SYNJ1: variants seen among roughly 807,000 people sequenced by gnomAD.
SYNJ1 encodes synaptojanin 1.
SYNJ1 carries 78 observed loss-of-function variants against 168.2 expected under a neutral mutation model. The observed-to-expected ratio is 0.46, with a 90% CI of 0.39 to 0.56. The LOEUF (loss-of-function observed/expected upper bound fraction) is 0.56, where lower values mean the gene tolerates loss of function less well. Among genes scored for constraint, SYNJ1 ranks in the 20% least tolerant of loss-of-function variants. The pLI, the probability that SYNJ1 is intolerant of heterozygous loss-of-function variation, is 0.00. For missense variants in SYNJ1, 1,303 were observed against 1,597.6 expected, an observed-to-expected ratio of 0.82 and a Z score of 3.14; for synonymous variants, 539 against 548.6, an observed-to-expected ratio of 0.98 and a Z score of 0.24.
chr21:32,693,483 G>A (rs571822276), intron 6 of SYNJ1, among the ~76,000 whole-genome samples: 15 of 152,248 alleles, frequency 9.9e-5, no homozygotes, highest in Admixed American at 4.6e-4. Flanking sequence ...AGTCTAAGAT[G>A]TAAGAGATCC....
intron 2 of SYNJ1, among the ~76,000 whole-genome samples, chr21:32,726,115 C>T (rs757287513): frequency 5.9e-5 from 9 of 152,252 alleles, no homozygotes; most frequent in Non-Finnish European, 1.3e-4. Flanking sequence ...GCTGGGACTA[C>T]AGGCGTGAGC....
At chr21:32,645,491 C>T (rs2040021022) in intron 25 of SYNJ1, among the ~76,000 whole-genome samples, 155 bp downstream of exon 25, 2 of 152,136 alleles carry the variant, frequency 1.3e-5, no homozygotes, top group Non-Finnish European at 2.9e-5. Flanking sequence ...TTGTCTGTTG[C>T]GCCTACCATG....
At chr21:32,722,853 A>G (rs1051255458) in intron 2 of SYNJ1, among the ~76,000 whole-genome samples, 1 of 152,206 alleles carries the variant, frequency 6.6e-6, no homozygotes, top group African/African-American at 2.4e-5. Flanking sequence ...TCAGCCTGAC[A>G]GTTTCAAGAA....
At chr21:32,654,281 G>T (rs1156758951) in intron 21 of SYNJ1, among the ~76,000 whole-genome samples, 1 of 152,138 alleles carries the variant, frequency 6.6e-6, no homozygotes, top group African/African-American at 2.4e-5. Flanking sequence ...AAACAAAAGT[G>T]TGCATAAGTA....
In SYNJ1 at chr21:32,641,913, A is replaced by T; in HGVS notation, c.3571T>A (p.Tyr1191Asn). 1 of 1,613,160 alleles carries T rather than the reference A, an allele frequency of 6.2e-7. No individual in the cohort carries two copies. Among genetic ancestry groups the T allele is most frequent in the East Asian group, 2.2e-5 (1 of 44,794 alleles). ...TTACCTACCGGTCTGGCTGTACTGT[A>T]TCCAGCAGGTCCTGGGCCTGCAAGT... ...AGLAGPGPAG[Y>N]STARPTIPPR... The change falls in exon 29 of 33, where the codon TAC becomes AAC. Residue 1191 changes from tyrosine (Y) to asparagine (N), a missense_variant. By Grantham distance (143) the Tyr-to-Asn change is moderately radical (BLOSUM62 -2). Around this residue, in one of 2 missense-constraint regions of SYNJ1, gnomAD observed 383 missense variants for 388.8 expected, o/e 0.99. Coordinates refer to ENST00000674351, the MANE Select transcript of SYNJ1 (RefSeq NM_203446.3).
chr21:32,720,902 C>T (rs551206906), intron 2 of SYNJ1, among the ~76,000 whole-genome samples: 101 of 152,276 alleles, frequency 6.6e-4, no homozygotes, highest in African/African-American at 2.4e-3. Flanking sequence ...TTTATTGAAG[C>T]CTGAGATGGG....
chr21:32,638,523 C>G (rs2039680485), intron 31 of SYNJ1, among the ~76,000 whole-genome samples: 1 of 152,022 alleles, frequency 6.6e-6, no homozygotes. Flanking sequence ...ATGGTGAAAC[C>G]CTGTCTCTAC....
At chr21:32,637,221 C>T (rs919380822) in intron 31 of SYNJ1, among the ~76,000 whole-genome samples, 2 of 151,962 alleles carry the variant, frequency 1.3e-5, no homozygotes, top group African/African-American at 4.8e-5. Context: ...TCCTAGAAAG[C>T]TCAGAGTGGC....
chr21:32,631,892 G>T, intron 32 of SYNJ1, 91 bp from the exon 33 acceptor site: 1 of 1,191,476 alleles, frequency 8.4e-7, no homozygotes, highest in Non-Finnish European at 1.2e-6. Context: ...CCCTTTTAGG[G>T]GCAAGCATGT....
rs1167175057 is a variant in SYNJ1, at chr21:32,645,635, A to G, written c.3391+11T>C. 1 of 1,522,830 alleles carries G rather than the reference A, an allele frequency of 6.6e-7. No homozygotes were observed. Among genetic ancestry groups the G allele is most frequent in the Non-Finnish European group, 8.8e-7 (1 of 1,142,822 alleles). The allele number at this position is 1,522,830 out of a possible 1,614,324, so 94.3% of individuals were successfully genotyped here. Reference sequence around the variant, plus strand: ...TTACATCTAGCAGAAATGGAAATAAAAGGTTGTCACCTGAAGGCGGAGGAG... The same window carrying G: ...TTACATCTAGCAGAAATGGAAATAAGAGGTTGTCACCTGAAGGCGGAGGAG... On this transcript the variant is annotated intron_variant, in intron 25 of 32. Transcript: ENST00000674351.
At chr21:32,641,413 T>C (rs1294742033) in intron 29 of SYNJ1, among the ~76,000 whole-genome samples, 1 of 152,008 alleles carries the variant, frequency 6.6e-6, no homozygotes, top group Non-Finnish European at 1.5e-5. Flanking sequence ...CAACATCTAC[T>C]CTCCTATTTC....
At position 32,726,806 on chromosome 21, in the gene SYNJ1, A is replaced by T; in HGVS notation, c.90T>A (p.Cys30Ter). The change falls in exon 2 of 33, where the codon TGT becomes TGA. Residue 30 changes from cysteine (C) to a stop codon, truncating the protein, a stop_gained. Coordinates refer to ENST00000674351, the MANE Select transcript of SYNJ1 (RefSeq NM_203446.3). LOFTEE classifies it high-confidence loss of function. ...LIVETRHKEE[C>*]LMFESGAVAV... ...CGACAGCCCCAGACTCGAACATGAGACATTCTTCCTTATGCCTAGTTTCCA... is the reference window on the plus strand; with the variant it reads ...CGACAGCCCCAGACTCGAACATGAGTCATTCTTCCTTATGCCTAGTTTCCA... The T allele has an allele frequency of 6.2e-7, 1 of 1,614,196 alleles. No homozygotes were observed.
intron 23 of SYNJ1, among the ~76,000 whole-genome samples, chr21:32,647,644 A>C (rs1569039371): frequency 6.6e-6 from 1 of 152,080 alleles, no homozygotes; most frequent in Non-Finnish European, 1.5e-5. Context: ...ACCTACCTTC[A>C]GATTCTATGG....
At chr21:32,722,203 AAAAT>A (rs1326154178) in intron 2 of SYNJ1, among the ~76,000 whole-genome samples, 1,096 of 88,582 alleles carry the variant, frequency 0.012, 5 homozygotes, top group African/African-American at 0.039. Context: ...AAAAAAAAAA[AAAAT>A]ATATATATAT....
In SYNJ1 at chr21:32,688,315, G is replaced by A. The variant is rs1046699971; in HGVS notation, c.842C>T (p.Ala281Val). The A allele has an allele frequency of 4.3e-6, 7 of 1,613,278 alleles. No individual in the cohort carries two copies. The Admixed American group carries it at 1.2e-4, about 27-fold the overall frequency. ...GTAAAAATTGTCTTACCTGTCAAAA[G>A]CAGGTGCATTGGCTTCAAATCCCCT... ...MSRGFEANAP[A>V]FDRHFRTLKN... is the part of the protein sequence containing the mutation. The change falls in exon 7 of 33, where the codon GCT becomes GTT. Residue 281 changes from alanine to valine, a missense_variant. Ala to Val is a moderately conservative substitution (Grantham distance 64). This residue lies in a region of SYNJ1 where 920 missense variants were observed against 1,208.8 expected (regional missense o/e 0.76). Transcript: ENST00000674351.
At chr21:32,648,488 G>A (rs548777051) in intron 23 of SYNJ1, among the ~76,000 whole-genome samples, 2 of 152,310 alleles carry the variant, frequency 1.3e-5, no homozygotes, top group South Asian at 4.1e-4. Flanking sequence ...AGACACCACT[G>A]ACTACTCCCC....
At chr21:32,645,604 AGAATTT>A (rs1289868162) in intron 25 of SYNJ1, 36 bp downstream of exon 25, 39 of 1,486,798 alleles carry the variant, frequency 2.6e-5, no homozygotes, top group Non-Finnish European at 3.4e-5. Flanking sequence ...AATAGAGTGA[AGAATTT>A]TACATCTAGC....
chr21:32,638,611 C>T (rs1197551940), intron 31 of SYNJ1, among the ~76,000 whole-genome samples: 2 of 152,058 alleles, frequency 1.3e-5, no homozygotes, highest in African/African-American at 2.4e-5. Flanking sequence ...GCAGGAGAAT[C>T]GCTTGAACCC....
chr21:32,710,248 G>T (rs2042778421), intron 2 of SYNJ1, among the ~76,000 whole-genome samples: 1 of 151,904 alleles, frequency 6.6e-6, no homozygotes, highest in South Asian at 2.1e-4. Flanking sequence ...AGGAGGGAGA[G>T]ATAGTAGGTA....
Sources: gnomAD v4.1 joint callset for allele counts (sites outside exome capture counted in the v4.1 genomes callset) on GRCh38, gnomAD v4.1.1 for gene constraint, gnomAD v4.1.1 regional missense constraint, MANE v1.5 for transcripts, NCBI Gene and HGNC (gene_info 2026-07-23, HGNC 2026-07-21) for gene names.